The following TGFBR2 variants were observed in gnomAD, a reference collection of about 807,000 sequenced individuals.
The protein encoded by TGFBR2 is TGF-beta receptor type-2.
A neutral mutation model predicts 49.0 loss-of-function variants in TGFBR2; 18 were observed. The ratio of observed to expected loss-of-function variants is 0.37; its 90% CI spans 0.25 to 0.54. TGFBR2 has a LOEUF of 0.54. Among genes scored for constraint, TGFBR2 ranks in the 20% least tolerant of loss-of-function variants. TGFBR2 has a pLI of 0.85. For synonymous variants in TGFBR2, 282 were observed against 275.9 expected, an observed-to-expected ratio of 1.02 and a Z score of -0.22; for missense variants, 525 against 722.6, an observed-to-expected ratio of 0.73 and a Z score of 3.13.
chr3:30,635,322 G>A (rs1199035077), intron 1 of TGFBR2, among the ~76,000 whole-genome samples: 1 of 151,982 alleles, frequency 6.6e-6, no homozygotes, highest in Non-Finnish European at 1.5e-5. Flanking sequence ...TCTCAGAGAG[G>A]TCCCCTGCCA....
chr3:30,629,298 G>T (rs1287178390), intron 1 of TGFBR2, among the ~76,000 whole-genome samples: 1 of 152,184 alleles, frequency 6.6e-6, no homozygotes, highest in Non-Finnish European at 1.5e-5. Context: ...CTACTGTGTA[G>T]CTCTATCTAG....
intron 1 of TGFBR2, among the ~76,000 whole-genome samples, chr3:30,610,937 A>G (rs1447077182): frequency 2.0e-5 from 3 of 152,154 alleles, no homozygotes; most frequent in Non-Finnish European, 2.9e-5. Flanking sequence ...TCCTTTGTTC[A>G]GGATGTCTGG....
intron 3 of TGFBR2, among the ~76,000 whole-genome samples, chr3:30,668,852 T>C (rs1414260924): frequency 6.6e-6 from 1 of 152,048 alleles, no homozygotes; most frequent in East Asian, 1.9e-4. Flanking sequence ...AAGATTTTCA[T>C]CTAGAATATA....
At chr3:30,659,723 A>G (rs1287845772) in intron 3 of TGFBR2, among the ~76,000 whole-genome samples, 1 of 151,476 alleles carries the variant, frequency 6.6e-6, no homozygotes, top group African/African-American at 2.4e-5. Flanking sequence ...AGTCGGACCC[A>G]TACTGCTGGT....
chr3:30,675,335 A>G (rs1322193214), intron 5 of TGFBR2, among the ~76,000 whole-genome samples: 2 of 151,238 alleles, frequency 1.3e-5, no homozygotes, highest in South Asian at 2.1e-4. Flanking sequence ...CACCTGAGAA[A>G]TCTGTGCACC....
At chr3:30,673,853 T>C (rs970286169) in intron 4 of TGFBR2, among the ~76,000 whole-genome samples, 22 of 152,206 alleles carry the variant, frequency 1.4e-4, no homozygotes, top group African/African-American at 5.3e-4. Context: ...ATAAGGCAGC[T>C]CTGGGGTTTG....
Position 30,606,790 on chromosome 3 carries a change from G to C in TGFBR2, c.-94G>C. The C allele has an allele frequency of 1.0e-6, 1 of 952,794 alleles. No homozygotes were observed. Among genetic ancestry groups the C allele is most frequent in the Non-Finnish European group, 1.4e-6 (1 of 714,514 alleles). 59.0% of individuals were successfully genotyped at this position (952,794 alleles called of 1,614,324 possible). A position where few individuals can be genotyped will look rare whatever the true frequency, so the allele number is the denominator to read the frequency against. ...GCGCTGCCGGCCCGGCGCGGGGTCC[G>C]GAGAGGGCGCGGCGCGGAGGCGCAG... On this transcript the variant is annotated 5_prime_UTR_variant, in exon 1 of 7. Coordinates refer to ENST00000295754, the MANE Select transcript of TGFBR2 (RefSeq NM_003242.6).
At chr3:30,607,363 G>A (rs1485574015) in intron 1 of TGFBR2, among the ~76,000 whole-genome samples, 2 of 152,168 alleles carry the variant, frequency 1.3e-5, no homozygotes, top group African/African-American at 4.8e-5. Context: ...AGCGCACCTG[G>A]GCCACTCCGC....
intron 3 of TGFBR2, among the ~76,000 whole-genome samples, chr3:30,663,987 G>C (rs1453369958): frequency 7.5e-6 from 1 of 133,244 alleles, no homozygotes; most frequent in African/African-American, 2.7e-5. Flanking sequence ...TTGGGGGGGG[G>C]AGTTGGGGGG....
intron 5 of TGFBR2, among the ~76,000 whole-genome samples, chr3:30,680,080 G>C (rs964875860): frequency 4.6e-5 from 7 of 152,174 alleles, no homozygotes; most frequent in Non-Finnish European, 1.0e-4. Flanking sequence ...AGCTGAGATC[G>C]TGCCACTGCA....
intron 3 of TGFBR2, among the ~76,000 whole-genome samples, chr3:30,659,098 G>A (rs1276513728): frequency 1.3e-5 from 2 of 152,304 alleles, no homozygotes; most frequent in East Asian, 3.9e-4. Flanking sequence ...TGGTGTTTTG[G>A]TAGCTCTGGG....
At chr3:30,636,877 A>G (rs1050439501) in intron 1 of TGFBR2, among the ~76,000 whole-genome samples, 2 of 152,040 alleles carry the variant, frequency 1.3e-5, no homozygotes, top group African/African-American at 2.4e-5. Context: ...ATCCTGGCTA[A>G]CACGGTGAAA....
chr3:30,610,605 C>G (rs368248200), intron 1 of TGFBR2, among the ~76,000 whole-genome samples: 6 of 152,150 alleles, frequency 3.9e-5, no homozygotes, highest in African/African-American at 1.4e-4. Flanking sequence ...ACCCACTTGC[C>G]ATGTACTGGC....
At chr3:30,650,120 T>A (rs980015349) in intron 2 of TGFBR2, 150 bp from the exon 3 acceptor site, 9 of 771,906 alleles carry the variant, frequency 1.2e-5, no homozygotes, top group Non-Finnish European at 1.8e-5. Flanking sequence ...CTGCGAATGC[T>A]GGAGAACAGG....
intron 1 of TGFBR2, among the ~76,000 whole-genome samples, chr3:30,632,505 A>T (rs1698456811): frequency 6.6e-6 from 1 of 152,270 alleles, no homozygotes; most frequent in Non-Finnish European, 1.5e-5. Flanking sequence ...GCACAGTGGT[A>T]ACAAAAAATT....
intron 1 of TGFBR2, among the ~76,000 whole-genome samples, chr3:30,607,815 ATATATATATAAATATATATATAAT>A (rs1267214389): frequency 2.2e-4 from 30 of 136,172 alleles, no homozygotes; most frequent in African/African-American, 6.8e-4. Flanking sequence ...TATATATATT[ATATATATATAAATATATATATAAT>A]TATATATATA....
chr3:30,614,496 C>A (rs1698096046), intron 1 of TGFBR2, among the ~76,000 whole-genome samples: 1 of 152,162 alleles, frequency 6.6e-6, no homozygotes. Flanking sequence ...AACACTGCTG[C>A]TTTGTGGATG....
intron 3 of TGFBR2, among the ~76,000 whole-genome samples, chr3:30,669,845 C>T (rs374421561): frequency 2.6e-5 from 4 of 152,216 alleles, no homozygotes; most frequent in East Asian, 1.9e-4. Flanking sequence ...AACACCTTAC[C>T]GAGGACTTCC....
intron 1 of TGFBR2, among the ~76,000 whole-genome samples, chr3:30,614,632 C>T (rs1698097992): frequency 6.6e-6 from 1 of 152,172 alleles, no homozygotes; most frequent in Non-Finnish European, 1.5e-5. Flanking sequence ...GTAGCTACCA[C>T]TTATTGAGGT....
Sources: allele counts gnomAD v4.1 joint callset (sites outside exome capture counted in the v4.1 genomes callset), GRCh38; gene constraint gnomAD v4.1.1; transcripts MANE v1.5; gene names NCBI Gene and HGNC (gene_info 2026-07-23, HGNC 2026-07-21).